Variants in ESYT3 observed in about 807,000 individuals in gnomAD.
The protein encoded by ESYT3 is extended synaptotagmin-3.
ESYT3 carries 101 observed loss-of-function variants against 111.5 expected under a neutral mutation model. The observed-to-expected ratio is 0.91, with a 90% CI of 0.77 to 1.07. ESYT3 has a LOEUF of 1.07. ESYT3 is among the 50% of genes least tolerant of loss of function. ESYT3 has a pLI of 0.00. For synonymous variants in ESYT3, 416 were observed against 446.8 expected (o/e 0.93, Z 0.87); for missense variants, 1,097 against 1,109.4 (o/e 0.99, Z 0.16).
At chr3:138,442,986 T>G (rs1052567038) in intron 1 of ESYT3, among the ~76,000 whole-genome samples, 18 of 152,342 alleles carry the variant, frequency 1.2e-4, no homozygotes, top group African/African-American at 3.6e-4. Context: ...CAACCCTAAC[T>G]GGATCATTGA....
chr3:138,442,520 C>T (rs538683828), intron 1 of ESYT3, among the ~76,000 whole-genome samples: 14 of 152,310 alleles, frequency 9.2e-5, no homozygotes, highest in African/African-American at 2.6e-4. Context: ...CATCTAGATT[C>T]TGTGACTCAT....
intron 19 of ESYT3, 59 bp from the exon 20 acceptor site, chr3:138,474,162 C>A: frequency 6.3e-7 from 1 of 1,578,062 alleles, no homozygotes; most frequent in South Asian, 1.2e-5. Flanking sequence ...CTCAAATGTT[C>A]AGTGTTTGAA....
chr3:138,455,074 A>G, intron 2 of ESYT3, 120 bp from the exon 3 acceptor site: 3 of 1,159,424 alleles, frequency 2.6e-6, no homozygotes, highest in Middle Eastern at 2.1e-4. Flanking sequence ...TGAGTGCTGC[A>G]GCATAGGAAC....
chr3:138,450,238 T>C (rs1025951750), intron 1 of ESYT3, among the ~76,000 whole-genome samples: 1 of 152,216 alleles, frequency 6.6e-6, no homozygotes, highest in Non-Finnish European at 1.5e-5. Flanking sequence ...GGGTCTCCTC[T>C]CTAGGCCCAT....
chr3:138,434,645 A>T lies in ESYT3; in HGVS notation c.-154A>T. ...TTCCAGGCGCTGCTCTCCGTCGCAG[A>T]GAACCCTGAGCTCGGCGCGCCGAGA... is the stretch of plus-strand genomic sequence containing the variant. On this transcript the variant is annotated 5_prime_UTR_variant, in exon 1 of 23. Coordinates refer to ENST00000389567, the MANE Select transcript of ESYT3 (RefSeq NM_031913.5). 8.9e-6 allele frequency: 6 copies of T among 670,876 alleles called. No homozygotes were observed. The highest frequency in any genetic ancestry group is 1.4e-5 in the Non-Finnish European group (6 of 421,894). The allele number at this position is 670,876 out of a possible 1,614,324, so 41.6% of individuals were successfully genotyped here.
intron 8 of ESYT3, 53 bp downstream of exon 8, chr3:138,462,259 T>G (rs1399096290): frequency 6.2e-7 from 1 of 1,612,200 alleles, no homozygotes; most frequent in East Asian, 2.2e-5. Flanking sequence ...AGCGCAAATA[T>G]CCTCTCAGCC....
intron 15 of ESYT3, 152 bp from the exon 16 acceptor site, chr3:138,469,908 C>T (rs2033129168): frequency 3.5e-6 from 2 of 573,988 alleles, no homozygotes; most frequent in South Asian, 4.4e-5. Context: ...GTCCTAGTGC[C>T]TCCCACTAGC....
intron 1 of ESYT3, among the ~76,000 whole-genome samples, chr3:138,451,729 C>T (rs140372887): frequency 7.2e-5 from 11 of 152,356 alleles, no homozygotes; most frequent in African/African-American, 2.6e-4. Context: ...CTGTCCTGCC[C>T]GCCACCGCGT....
chr3:138,452,147 C>T (rs957672009), intron 2 of ESYT3, 58 bp downstream of exon 2: 13 of 1,552,888 alleles, frequency 8.4e-6, no homozygotes, highest in Non-Finnish European at 1.1e-5. Context: ...GTCCTCCCCG[C>T]GGCTGTCACC....
intron 1 of ESYT3, among the ~76,000 whole-genome samples, chr3:138,438,462 C>T (rs1470170190): frequency 6.6e-6 from 1 of 152,134 alleles, no homozygotes; most frequent in Non-Finnish European, 1.5e-5. Flanking sequence ...TAATTTGCAC[C>T]AACTCCCTGT....
In ESYT3 at chr3:138,457,632, A is replaced by C; in HGVS notation, c.569A>C (p.Asp190Ala). The change falls in exon 4 of 23, where the codon GAC becomes GCC. Residue 190 changes from aspartate to alanine, a missense_variant. Transcript: ENST00000389567. ...NTCNRRRVTV[D>A]LQICYIGDCE... ...TGCAACCGAAGACGTGTGACTGTGGACCTGCAGATCTGGTGAGCTCTATCG... is the reference window on the plus strand; with the variant it reads ...TGCAACCGAAGACGTGTGACTGTGGCCCTGCAGATCTGGTGAGCTCTATCG... 6.2e-7 allele frequency: 1 copy of C among 1,614,142 alleles called. No individual in the cohort carries two copies. The highest frequency in any genetic ancestry group is 8.5e-7 in the Non-Finnish European group (1 of 1,180,042).
At chr3:138,474,564 T>C in intron 20 of ESYT3, 1 of 455,160 alleles carries the variant, frequency 2.2e-6, no homozygotes, top group South Asian at 4.9e-5. Context: ...TTACTGCTCA[T>C]AGAGGCTAAA....
chr3:138,456,415 G>A (rs2032280353), intron 3 of ESYT3, among the ~76,000 whole-genome samples: 1 of 152,186 alleles, frequency 6.6e-6, no homozygotes, highest in African/African-American at 2.4e-5. Flanking sequence ...AAAGGTGATG[G>A]CTCAGTTGGC....
At chr3:138,470,237 C>T in intron 16 of ESYT3, 91 bp downstream of exon 16, 1 of 1,486,548 alleles carries the variant, frequency 6.7e-7, no homozygotes, top group Non-Finnish European at 9.0e-7. Flanking sequence ...AGCAGGTTCT[C>T]CTGGCAGCGT....
intron 10 of ESYT3, among the ~76,000 whole-genome samples, chr3:138,466,498 A>G (rs2032935296): frequency 6.6e-6 from 1 of 152,188 alleles, no homozygotes; most frequent in Admixed American, 6.5e-5. Flanking sequence ...GTAATGTTGC[A>G]GATTAGAAGT....
intron 1 of ESYT3, among the ~76,000 whole-genome samples, chr3:138,442,327 A>T (rs530008217): frequency 6.6e-6 from 1 of 152,338 alleles, no homozygotes; most frequent in African/African-American, 2.4e-5. Context: ...TGTTCTTAAC[A>T]TTATATTACA....
At chr3:138,474,926 C>G (rs1342088468) in intron 20 of ESYT3, among the ~76,000 whole-genome samples, 1 of 152,206 alleles carries the variant, frequency 6.6e-6, no homozygotes, top group African/African-American at 2.4e-5. Flanking sequence ...AAGTCTGAAT[C>G]TCATCAGCGT....
intron 15 of ESYT3, among the ~76,000 whole-genome samples, 159 bp from the exon 16 acceptor site, chr3:138,469,901 C>G (rs1330701746): frequency 6.6e-6 from 1 of 152,172 alleles, no homozygotes; most frequent in East Asian, 1.9e-4. Flanking sequence ...TTGTCCCGTC[C>G]TAGTGCCTCC....
intron 1 of ESYT3, among the ~76,000 whole-genome samples, chr3:138,437,818 G>A (rs2030835587): frequency 6.6e-6 from 1 of 152,004 alleles, no homozygotes; most frequent in Admixed American, 6.6e-5. Flanking sequence ...GGGATCCAGG[G>A]GTCTTCAGGG....
Sources: allele counts gnomAD v4.1 joint callset (sites outside exome capture counted in the v4.1 genomes callset), GRCh38; gene constraint gnomAD v4.1.1; transcripts MANE v1.5; gene names NCBI Gene and HGNC (gene_info 2026-07-23, HGNC 2026-07-21).